MAST4: variants seen among roughly 807,000 people sequenced by gnomAD.
MAST4 encodes the protein microtubule associated serine/threonine kinase family member 4.
Under a neutral mutation model 162.7 loss-of-function variants are expected in MAST4, and 89 were observed. The ratio of observed to expected loss-of-function variants is 0.55; its 90% CI spans 0.46 to 0.65. The LOEUF (loss-of-function observed/expected upper bound fraction) is 0.65. MAST4 is among the 30% of genes least tolerant of loss of function. The pLI is 0.00. For synonymous variants in MAST4, 1,479 were observed against 1,361.1 expected (o/e 1.09, Z -1.91); for missense variants, 3,153 against 3,374.0 (o/e 0.93, Z 1.62).
At chr5:66,926,220 T>TA (rs1208883143) in intron 4 of MAST4, among the ~76,000 whole-genome samples, 1 of 152,078 alleles carries the variant, frequency 6.6e-6, no homozygotes, top group South Asian at 2.1e-4. Context: ...ATAATACAAG[T>TA]AAAAAATAGA....
At chr5:66,630,229 ACT>A (rs1171227744) in intron 1 of MAST4, among the ~76,000 whole-genome samples, 1 of 152,160 alleles carries the variant, frequency 6.6e-6, no homozygotes, top group Non-Finnish European at 1.5e-5. Flanking sequence ...GATGTCACAG[ACT>A]CTGGCCATCA....
rs1220476547 is a variant in MAST4 at position 67,169,068 on chromosome 5, C to G, written c.*2017C>G. 1 of 151,968 alleles carries G rather than the reference C, an allele frequency of 6.6e-6. No individual in the cohort carries two copies. Among genetic ancestry groups the G allele is most frequent in the Admixed American group, 6.6e-5 (1 of 15,256 alleles). The allele number at this position is 151,968 out of a possible 1,614,324, so 9.4% of individuals were successfully genotyped here. A position where few individuals can be genotyped will look rare whatever the true frequency, so the allele number is the denominator to read the frequency against. ...AAAACTGGTCTCAACGTTTATAATA[C>G]ATATCTGTGTTTGGCAGTTGTCATA... On this transcript the variant is annotated 3_prime_UTR_variant, in exon 29 of 29. Transcript: ENST00000403625.
At position 67,166,602 on chromosome 5, in the gene MAST4, G is replaced by A. The variant is rs1774015345; in HGVS notation, c.7423G>A (p.Ala2475Thr). The stretch of plus-strand genomic sequence containing the variant: ...TGAAACCAGGGCCGGAGTTAGAGAG[G>A]CCTCTGCAGCCAGCAGCGACACCTC... ...FPETRAGVRE[A>T]SAASSDTSSA... is the part of the protein sequence containing the mutation. The change falls in exon 29 of 29, where the codon GCC (alanine) becomes ACC (threonine). Residue 2475 changes from alanine to threonine, a missense_variant. Ala to Thr is a moderately conservative substitution (Grantham distance 58). This residue lies in a region of MAST4 where 1,644 missense variants were observed against 1,495.0 expected (regional missense o/e 1.10). Transcript: ENST00000403625. 1.9e-6 allele frequency: 3 copies of A among 1,600,832 alleles called. No homozygotes were observed. In the South Asian group the frequency reaches 3.4e-5, roughly 18 times the overall value.
chr5:66,965,687 A>G (rs558636223), intron 4 of MAST4, among the ~76,000 whole-genome samples: 62 of 152,166 alleles, frequency 4.1e-4, no homozygotes, highest in Non-Finnish European at 6.8e-4. Context: ...TCACTAGGAC[A>G]TAGGATAGGT....
intron 2 of MAST4, among the ~76,000 whole-genome samples, chr5:66,767,799 G>C (rs945260877): frequency 1.3e-5 from 2 of 152,130 alleles, no homozygotes; most frequent in Admixed American, 1.3e-4. Context: ...AAAGATGTAG[G>C]CTGGGAAGCT....
At chr5:66,670,739 G>T (rs1747554525) in intron 1 of MAST4, among the ~76,000 whole-genome samples, 1 of 147,410 alleles carries the variant, frequency 6.8e-6, no homozygotes, top group South Asian at 2.2e-4. Flanking sequence ...CGGTCGACTA[G>T]AGAAAGTAAG....
At chr5:66,932,639 A>G (rs1320288672) in intron 4 of MAST4, among the ~76,000 whole-genome samples, 1 of 152,188 alleles carries the variant, frequency 6.6e-6, no homozygotes, top group Non-Finnish European at 1.5e-5. Context: ...TGAAGAGATG[A>G]TGAAAGTTTT....
intron 1 of MAST4, among the ~76,000 whole-genome samples, chr5:66,693,460 A>G (rs1460776456): frequency 1.3e-5 from 2 of 152,220 alleles, no homozygotes; most frequent in Admixed American, 1.3e-4. Context: ...TTGTTGAACT[A>G]CCAAGTGTGT....
At chr5:67,083,356 C>T (rs531371710) in intron 5 of MAST4, among the ~76,000 whole-genome samples, 1 of 152,062 alleles carries the variant, frequency 6.6e-6, no homozygotes, top group East Asian at 1.9e-4. Context: ...TTAAATGGGG[C>T]CACATTAAAT....
chr5:66,892,989 TA>T lies in MAST4; in HGVS notation c.643-6959del, dbSNP rs567844454. ...TCATGACTCGGAGACTTTGTCTGTA[TA>T]AAGGGCTTATGAGAACTGATACCAC... On this transcript the variant is annotated intron_variant, in intron 3 of 28. Transcript: ENST00000403625. Among the ~76,000 whole-genome samples, 254 of 152,346 alleles carry T rather than the reference TA, an allele frequency of 1.7e-3. 1 individual carries two copies. Among genetic ancestry groups the T allele is most frequent in the African/African-American group, 5.6e-3 (233 of 41,588 alleles).
intron 3 of MAST4, among the ~76,000 whole-genome samples, chr5:66,854,655 TAC>T (rs1759545047): frequency 6.6e-6 from 1 of 152,074 alleles, no homozygotes; most frequent in Non-Finnish European, 1.5e-5. Context: ...AAGGAGAAGT[TAC>T]AGTCTTGTAA....
rs933824968 is a variant in MAST4 at position 66,896,648 on chromosome 5, T to C, written c.643-3303T>C. 2.6e-5 allele frequency among the ~76,000 whole-genome samples: 4 copies of C among 152,376 alleles called. No homozygotes were observed. In the East Asian group the frequency reaches 7.7e-4, roughly 29 times the overall value. On this transcript the variant is annotated intron_variant, in intron 3 of 28. Transcript: ENST00000403625. ...ATGTATAGCCATATTGTTTTGTTTG[T>C]CTATGAATAGCTGTTAAATACCAAA...
chr5:66,937,745 T>C (rs1025626860), intron 4 of MAST4, among the ~76,000 whole-genome samples: 1 of 152,178 alleles, frequency 6.6e-6, no homozygotes, highest in African/African-American at 2.4e-5. Flanking sequence ...CTAAGGTGCA[T>C]ATTAAAAGTA....
chr5:66,849,765 G>T (rs1181978905), intron 3 of MAST4, among the ~76,000 whole-genome samples: 1 of 152,194 alleles, frequency 6.6e-6, no homozygotes, highest in Non-Finnish European at 1.5e-5. Context: ...ATTTTCAAGG[G>T]CTGGAGTTAG....
chr5:66,801,383 A>G (rs1755914590), intron 3 of MAST4, among the ~76,000 whole-genome samples: 2 of 152,134 alleles, frequency 1.3e-5, no homozygotes, highest in Admixed American at 1.3e-4. Flanking sequence ...CCTGTAAGGA[A>G]GTGTGTTAGC....
At chr5:67,035,056 A>G (rs1755846688) in intron 4 of MAST4, among the ~76,000 whole-genome samples, 1 of 151,992 alleles carries the variant, frequency 6.6e-6, no homozygotes, top group African/African-American at 2.4e-5. Context: ...TCTTCAACTC[A>G]AGTTCTGTTT....
chr5:66,999,769 C>T (rs1339362024), intron 4 of MAST4, among the ~76,000 whole-genome samples: 1 of 151,818 alleles, frequency 6.6e-6, no homozygotes, highest in Non-Finnish European at 1.5e-5. Flanking sequence ...AAATCTGAAC[C>T]TCTCTTACCT....
At chr5:66,880,564 T>C (rs559248202) in intron 3 of MAST4, among the ~76,000 whole-genome samples, 25 of 152,310 alleles carry the variant, frequency 1.6e-4, no homozygotes, top group African/African-American at 5.8e-4. Flanking sequence ...TCCTCCTGAA[T>C]TGTCTAGCTT....
chr5:66,840,592 A>C (rs961351714), intron 3 of MAST4, among the ~76,000 whole-genome samples: 7 of 152,026 alleles, frequency 4.6e-5, no homozygotes, highest in Non-Finnish European at 7.4e-5. Context: ...CCTGCCCTCC[A>C]CCTCTTGACT....
Sources: gnomAD v4.1 joint callset for allele counts (sites outside exome capture counted in the v4.1 genomes callset) on GRCh38, gnomAD v4.1.1 for gene constraint, gnomAD v4.1.1 regional missense constraint, MANE v1.5 for transcripts, NCBI Gene and HGNC (gene_info 2026-07-23, HGNC 2026-07-21) for gene names.